DNAH11: variants seen among roughly 807,000 people sequenced by gnomAD.
DNAH11 encodes the protein dynein axonemal heavy chain 11.
Under a neutral mutation model 526.0 loss-of-function variants are expected in DNAH11, and 442 were observed. The observed-to-expected ratio is 0.84, with a 90% CI of 0.78 to 0.91. DNAH11 has a LOEUF of 0.91. DNAH11 is among the 40% of genes least tolerant of loss of function. The pLI is 0.00. For missense variants in DNAH11, 6,989 were observed against 5,448.7 expected, an observed-to-expected ratio of 1.28 and a Z score of -8.90; for synonymous variants, 2,461 against 1,935.9, an observed-to-expected ratio of 1.27 and a Z score of -7.12.
chr7:21,816,109 G>T lies in DNAH11; in HGVS notation c.10333-358G>T, dbSNP rs184027856. The stretch of plus-strand genomic sequence containing the variant: ...ATTTTAGCATTGCTTATGTGGGGGT[G>T]GGGGGCATGGATTGCTCCATGGGCA... On this transcript the variant is annotated intron_variant, in intron 63 of 81. Transcript: ENST00000409508. 3.9e-5 allele frequency among the ~76,000 whole-genome samples: 6 copies of T among 152,178 alleles called. No individual in the cohort carries two copies. In the East Asian group the frequency reaches 1.2e-3, roughly 29 times the overall value.
chr7:21,590,338 A>G (rs1784627868), intron 12 of DNAH11, among the ~76,000 whole-genome samples: 1 of 152,220 alleles, frequency 6.6e-6, no homozygotes, highest in African/African-American at 2.4e-5. Context: ...CACCATGGGT[A>G]TGCTTTAGGG....
chr7:21,890,150 T>G (rs1426319316), intron 76 of DNAH11, among the ~76,000 whole-genome samples: 1 of 152,196 alleles, frequency 6.6e-6, no homozygotes, highest in Non-Finnish European at 1.5e-5. Flanking sequence ...TGAGCAATAT[T>G]TTACTGATGA....
intron 61 of DNAH11, among the ~76,000 whole-genome samples, chr7:21,792,315 C>G (rs1334049678): frequency 6.6e-6 from 1 of 152,082 alleles, no homozygotes; most frequent in Non-Finnish European, 1.5e-5. Context: ...TCAGTTTGCT[C>G]GTATTTTGTT....
At chr7:21,823,529 A>G (rs1217579287) in intron 65 of DNAH11, among the ~76,000 whole-genome samples, 2 of 152,188 alleles carry the variant, frequency 1.3e-5, no homozygotes, top group East Asian at 3.9e-4. Flanking sequence ...GCCTTATTTA[A>G]TGTCTCCTTT....
At chr7:21,685,846 C>T (rs1213350853) in intron 32 of DNAH11, among the ~76,000 whole-genome samples, 2 of 152,158 alleles carry the variant, frequency 1.3e-5, no homozygotes, top group African/African-American at 4.8e-5. Flanking sequence ...CAAATATCTC[C>T]AAGGAAGTGT....
At chr7:21,763,823 C>CAT (rs553283965) in intron 54 of DNAH11, among the ~76,000 whole-genome samples, 35 of 145,896 alleles carry the variant, frequency 2.4e-4, no homozygotes, top group South Asian at 4.5e-4. Flanking sequence ...CATATATATA[C>CAT]ATATATATAT....
At chr7:21,873,217 A>T in intron 73 of DNAH11, 57 bp from the exon 74 acceptor site, 1 of 1,365,142 alleles carries the variant, frequency 7.3e-7, no homozygotes, top group Non-Finnish European at 1.0e-6. Context: ...ATGTAATCTT[A>T]TAATTCAAGT....
At chr7:21,683,337 C>T (rs901372046) in intron 31 of DNAH11, among the ~76,000 whole-genome samples, 5 of 152,130 alleles carry the variant, frequency 3.3e-5, no homozygotes, top group African/African-American at 4.8e-5. Flanking sequence ...AAAAACAAAG[C>T]AGAAAATCTC....
intron 76 of DNAH11, among the ~76,000 whole-genome samples, chr7:21,885,183 AAAAAACAC>A (rs1321181266): frequency 6.1e-5 from 9 of 147,718 alleles, no homozygotes; most frequent in Non-Finnish European, 1.3e-4. Flanking sequence ...AAAAAAAAAA[AAAAAACAC>A]ACACATTTAT....
chr7:21,690,733 A>G (rs760285811), intron 34 of DNAH11, 32 bp from the exon 35 acceptor site: 119 of 1,528,142 alleles, frequency 7.8e-5, no homozygotes, highest in Non-Finnish European at 1.0e-4. Context: ...CAATGAACAC[A>G]TTTAATTTCA....
intron 30 of DNAH11, among the ~76,000 whole-genome samples, chr7:21,677,672 A>G (rs1184053702): frequency 1.3e-5 from 2 of 152,252 alleles, no homozygotes; most frequent in East Asian, 3.8e-4. Context: ...GGCATGAGCC[A>G]TCACGGCCAG....
chr7:21,624,036 A>G (rs1430165231), intron 25 of DNAH11, among the ~76,000 whole-genome samples: 1 of 151,888 alleles, frequency 6.6e-6, no homozygotes, highest in East Asian at 1.9e-4. Flanking sequence ...CTAACTCACT[A>G]ATGAGGGCAG....
At chr7:21,549,959 T>C (rs1364633191) in intron 2 of DNAH11, among the ~76,000 whole-genome samples, 1 of 152,174 alleles carries the variant, frequency 6.6e-6, no homozygotes, top group African/African-American at 2.4e-5. Context: ...AGCAACCTGA[T>C]TGAGTAGGGG....
intron 2 of DNAH11, among the ~76,000 whole-genome samples, chr7:21,555,392 T>A (rs963475839): frequency 6.6e-6 from 1 of 152,190 alleles, no homozygotes; most frequent in Non-Finnish European, 1.5e-5. Context: ...GCTCCCTCTT[T>A]CCTTTGGCCC....
chr7:21,688,003 A>T (rs548555723), intron 34 of DNAH11, among the ~76,000 whole-genome samples: 91 of 152,288 alleles, frequency 6.0e-4, no homozygotes, highest in African/African-American at 2.0e-3. Context: ...TCAAGGCTGC[A>T]GTGAGATGTG....
At chr7:21,638,691 GGTGTGTGTGTGTGTGTGTGTGTGTGT>G (rs56257528) in intron 27 of DNAH11, among the ~76,000 whole-genome samples, 1 of 144,118 alleles carries the variant, frequency 6.9e-6, no homozygotes, top group Non-Finnish European at 1.5e-5. Flanking sequence ...CAGCTAATGG[GGTGTGTGTGTGTGTGTGTGTGTGTGT>G]GTGTGTGTGT....
At chr7:21,810,048 T>G (rs572583054) in intron 63 of DNAH11, among the ~76,000 whole-genome samples, 1 of 152,222 alleles carries the variant, frequency 6.6e-6, no homozygotes, top group Non-Finnish European at 1.5e-5. Context: ...ATGAAACTTT[T>G]TGTTTTCTTA....
chr7:21,565,022 C>T (rs1276024755), intron 6 of DNAH11, among the ~76,000 whole-genome samples: 1 of 152,180 alleles, frequency 6.6e-6, no homozygotes, highest in Non-Finnish European at 1.5e-5. Flanking sequence ...GTAAAAGATA[C>T]TTGGATGCTA....
chr7:21,775,014 C>A (rs1787610250), intron 56 of DNAH11, among the ~76,000 whole-genome samples: 1 of 152,142 alleles, frequency 6.6e-6, no homozygotes. Flanking sequence ...GAACTGAGAC[C>A]CGAAGGAGGG....
Sources: gnomAD v4.1 joint callset for allele counts (sites outside exome capture counted in the v4.1 genomes callset) on GRCh38, gnomAD v4.1.1 for gene constraint, MANE v1.5 for transcripts, NCBI Gene and HGNC (gene_info 2026-07-23, HGNC 2026-07-21) for gene names.